DNER: variants seen among roughly 807,000 people sequenced by gnomAD.
DNER encodes the protein delta/notch like EGF repeat containing.
Under a neutral mutation model 78.2 loss-of-function variants are expected in DNER, and 33 were observed. The ratio of observed to expected loss-of-function variants is 0.42; its 90% CI spans 0.32 to 0.56. The LOEUF (loss-of-function observed/expected upper bound fraction) is 0.56. Among genes scored for constraint, DNER ranks in the 20% least tolerant of loss-of-function variants. The pLI is 0.11. For missense variants in DNER, 918 were observed against 975.3 expected, an observed-to-expected ratio of 0.94 and a Z score of 0.78; for synonymous variants, 417 against 384.8, an observed-to-expected ratio of 1.08 and a Z score of -0.98.
At chr2:229,568,614 T>C (rs1326533750) in intron 4 of DNER, among the ~76,000 whole-genome samples, 1 of 152,258 alleles carries the variant, frequency 6.6e-6, no homozygotes, top group African/African-American at 2.4e-5. Flanking sequence ...ATTATAATTA[T>C]AGCATTATTT....
intron 1 of DNER, among the ~76,000 whole-genome samples, chr2:229,663,670 C>T (rs191081218): frequency 5.9e-5 from 9 of 152,288 alleles, no homozygotes; most frequent in African/African-American, 2.2e-4. Context: ...ACATTGTTAT[C>T]CAGCATCTTC....
At chr2:229,401,942 C>T (rs1412587825) in intron 10 of DNER, among the ~76,000 whole-genome samples, 1 of 152,132 alleles carries the variant, frequency 6.6e-6, no homozygotes, top group African/African-American at 2.4e-5. Context: ...AGATGCTGGA[C>T]TAACTGGATG....
At chr2:229,398,098 G>T (rs1234224901) in intron 10 of DNER, among the ~76,000 whole-genome samples, 1 of 151,856 alleles carries the variant, frequency 6.6e-6, no homozygotes, top group Non-Finnish European at 1.5e-5. Context: ...TTATTAAAAA[G>T]ATTAACAAAA....
rs1210009492 is a variant in DNER at position 229,585,903 on chromosome 2, C to T, written c.802G>A (p.Val268Ile). Residue 268 changes from valine to isoleucine, a missense_variant, in exon 4 of 13, where the codon GTC becomes ATC. Coordinates refer to ENST00000341772, the MANE Select transcript of DNER (RefSeq NM_139072.4). ...VTPLQASGGLVLLEEMLALGN... is the reference protein window; with the variant it reads ...VTPLQASGGLILLEEMLALGN... The stretch of plus-strand genomic sequence containing the variant: ...AAGGCGAGCATCTCCTCCAGGAGGA[C>T]CAGTCCCCCTGAAGCCTGAAGGGGG... 6.2e-7 allele frequency: 1 copy of T among 1,613,942 alleles called. No individual in the cohort carries two copies. Among genetic ancestry groups the T allele is most frequent in the East Asian group, 2.2e-5 (1 of 44,870 alleles).
At chr2:229,514,571 T>A (rs544896037) in intron 5 of DNER, among the ~76,000 whole-genome samples, 6 of 152,352 alleles carry the variant, frequency 3.9e-5, no homozygotes, top group African/African-American at 1.4e-4. Flanking sequence ...TAGTACTGAT[T>A]CAACCTTATG....
intron 6 of DNER, among the ~76,000 whole-genome samples, chr2:229,492,788 C>T (rs1695428420): frequency 6.6e-6 from 1 of 152,154 alleles, no homozygotes; most frequent in Non-Finnish European, 1.5e-5. Flanking sequence ...CCTGCGGCAG[C>T]CTCTGAAATA....
intron 1 of DNER, among the ~76,000 whole-genome samples, chr2:229,697,446 A>G (rs1057301703): frequency 6.6e-6 from 1 of 152,234 alleles, no homozygotes; most frequent in Non-Finnish European, 1.5e-5. Context: ...AATGCCACTA[A>G]AAGGTTCCCT....
At position 229,684,077 on chromosome 2, in the gene DNER, A is replaced by G. The variant is rs1466348841; in HGVS notation, c.276+30071T>C. On this transcript the variant is annotated intron_variant, in intron 1 of 12. Coordinates refer to ENST00000341772, the MANE Select transcript of DNER (RefSeq NM_139072.4). ...GGTAACCATTTTCCAGATGCTGCTG[A>G]GAACAGGAGATAGTACCTACCAGAG... Among the ~76,000 whole-genome samples, 5 of 149,700 alleles carry G rather than the reference A, an allele frequency of 3.3e-5. No homozygotes were observed. The East Asian group carries it at 9.8e-4, about 29-fold the overall frequency.
chr2:229,568,895 A>G (rs1313693195), intron 4 of DNER, among the ~76,000 whole-genome samples: 1 of 152,178 alleles, frequency 6.6e-6, no homozygotes, highest in Non-Finnish European at 1.5e-5. Context: ...ATAATGATCT[A>G]TTATACCTAC....
At chr2:229,597,012 C>T (rs1697729537) in intron 1 of DNER, among the ~76,000 whole-genome samples, 1 of 142,826 alleles carries the variant, frequency 7.0e-6, no homozygotes, top group Non-Finnish European at 1.6e-5. Context: ...TATACATGCA[C>T]ACACACATGC....
chr2:229,428,091 A>AG (rs1171388399), intron 8 of DNER, among the ~76,000 whole-genome samples: 6,054 of 146,846 alleles, frequency 0.041, 226 homozygotes, highest in Non-Finnish European at 0.067. Context: ...AAAAAAAAAA[A>AG]AGAGAAAAAA....
At chr2:229,443,411 A>T (rs1694277527) in intron 8 of DNER, among the ~76,000 whole-genome samples, 1 of 152,194 alleles carries the variant, frequency 6.6e-6, no homozygotes, top group South Asian at 2.1e-4. Flanking sequence ...AGCAGCTCCA[A>T]GTTCTCACTT....
At chr2:229,408,289 TA>T (rs1349650229) in intron 9 of DNER, among the ~76,000 whole-genome samples, 1 of 152,196 alleles carries the variant, frequency 6.6e-6, no homozygotes, top group Admixed American at 6.5e-5. Context: ...TACAAGTATC[TA>T]TTTTTTTATA....
chr2:229,374,516 T>C (rs1159398675), intron 11 of DNER, among the ~76,000 whole-genome samples: 1 of 152,200 alleles, frequency 6.6e-6, no homozygotes, highest in Non-Finnish European at 1.5e-5. Context: ...TTATTGAGGG[T>C]TCCATTTGTG....
At chr2:229,672,272 G>A (rs10185857) in intron 1 of DNER, among the ~76,000 whole-genome samples, 1 of 152,006 alleles carries the variant, frequency 6.6e-6, no homozygotes, top group Non-Finnish European at 1.5e-5. Context: ...AACAGCTATG[G>A]CCAAGACAGC....
At chr2:229,669,643 G>A (rs1699173378) in intron 1 of DNER, among the ~76,000 whole-genome samples, 1 of 152,066 alleles carries the variant, frequency 6.6e-6, no homozygotes, top group African/African-American at 2.4e-5. Context: ...CTTAAAAGTT[G>A]TATTCCTAGG....
chr2:229,612,517 T>C (rs1204875494), intron 1 of DNER, among the ~76,000 whole-genome samples: 1 of 152,206 alleles, frequency 6.6e-6, no homozygotes, highest in Non-Finnish European at 1.5e-5. Context: ...GTATCAGACT[T>C]AGACTGGCCC....
chr2:229,646,191 T>C (rs1026102169), intron 1 of DNER, among the ~76,000 whole-genome samples: 1 of 152,186 alleles, frequency 6.6e-6, no homozygotes, highest in Admixed American at 6.5e-5. Context: ...GTCCCGAGTG[T>C]GATTATTTTC....
At chr2:229,480,515 T>A (rs1167294161) in intron 6 of DNER, among the ~76,000 whole-genome samples, 1 of 152,220 alleles carries the variant, frequency 6.6e-6, no homozygotes, top group African/African-American at 2.4e-5. Flanking sequence ...CCCATGCACT[T>A]AATTCTTACA....
Sources: gnomAD v4.1 joint callset for allele counts (sites outside exome capture counted in the v4.1 genomes callset) on GRCh38, gnomAD v4.1.1 for gene constraint, MANE v1.5 for transcripts, NCBI Gene and HGNC (gene_info 2026-07-23, HGNC 2026-07-21) for gene names.